The following ALG12 variants were observed in gnomAD, a reference collection of about 807,000 sequenced individuals.
ALG12 encodes the protein ALG12 alpha-1,6-mannosyltransferase, also known as dol-P-Man:Man(7)GlcNAc(2)-PP-Dol alpha-1,6-mannosyltransferase.
In ALG12, 36 loss-of-function variants were observed where a neutral mutation model predicts 46.0. The observed-to-expected ratio is 0.78, with a 90% CI of 0.60 to 1.03. The LOEUF (loss-of-function observed/expected upper bound fraction) is 1.03. ALG12 is among the 50% of genes least tolerant of loss of function. The probability of loss-of-function intolerance (pLI) is 0.00; values close to 1 mark genes in which losing one functional copy is unlikely to be tolerated. For synonymous variants in ALG12, 326 were observed against 291.6 expected, an observed-to-expected ratio of 1.12 and a Z score of -1.20; for missense variants, 599 against 633.5, an observed-to-expected ratio of 0.95 and a Z score of 0.58.
At chr22:49,904,098 G>A (rs781596489) in intron 9 of ALG12, 32 bp from the exon 10 acceptor site, 3 of 1,613,976 alleles carry the variant, frequency 1.9e-6, no homozygotes, top group Admixed American at 3.3e-5. Context: ...TCCTGCCCAG[G>A]GCCCCCACAT....
rs1401782831 is a variant in ALG12, at chr22:49,901,168, TAAAAG to T, written c.*2665_*2669del. The T allele has an allele frequency of 6.6e-6, 1 of 152,204 alleles. No individual in the cohort carries two copies. The highest frequency in any genetic ancestry group is 1.5e-5 in the Non-Finnish European group (1 of 68,050). 9.4% of individuals were successfully genotyped at this position (152,204 alleles called of 1,614,324 possible). On this transcript the variant is annotated 3_prime_UTR_variant, in exon 10 of 10. Coordinates refer to ENST00000330817, the MANE Select transcript of ALG12 (RefSeq NM_024105.4). Reference sequence around the variant, plus strand: ...GAGGCAATCCACATGTGGCCAGCGATAAAAGAGAACAAACGAGCGTGGATAACCAG... The same window carrying T: ...GAGGCAATCCACATGTGGCCAGCGATAGAACAAACGAGCGTGGATAACCAG...
the ALG12 span, among the ~76,000 whole-genome samples, chr22:49,883,183 C>T: frequency 3.9e-5 from 6 of 152,122 alleles, no homozygotes; most frequent in African/African-American, 7.2e-5. Flanking sequence ...ATCCTGTAAA[C>T]GGATTGCAGG....
rs531057261 is a variant in ALG12 at position 49,903,368 on chromosome 22, G to A, written c.*470C>T. 32 of 457,166 alleles carry A rather than the reference G, an allele frequency of 7.0e-5. No individual in the cohort carries two copies. The highest frequency in any genetic ancestry group is 4.1e-4 in the Middle Eastern group (1 of 2,454). The allele number at this position is 457,166 out of a possible 1,614,324, so 28.3% of individuals were successfully genotyped here. A position where few individuals can be genotyped will look rare whatever the true frequency, so the allele number is the denominator to read the frequency against. On this transcript the variant is annotated 3_prime_UTR_variant, in exon 10 of 10. Coordinates refer to ENST00000330817, the MANE Select transcript of ALG12 (RefSeq NM_024105.4). ...GGCACCAGGGTGGGGGGGTGCGGCCGGGGCCACCATGGTCTCCCCTGAGAG... is the reference window on the plus strand; with the variant it reads ...GGCACCAGGGTGGGGGGGTGCGGCCAGGGCCACCATGGTCTCCCCTGAGAG...
rs1175963390 is a variant in ALG12 at position 49,910,596 on chromosome 22, G to T, written c.307C>A (p.Leu103Ile). ...FYSQLIVRGVLGLGVIFGLWT... is the reference protein window; with the variant it reads ...FYSQLIVRGVIGLGVIFGLWT... ...AGTCCAAAAATCACGCCGAGTCCAA[G>T]CACTCCTCTAACTAAACAAAGACAG... The change falls in exon 4 of 10, where the codon CTT becomes ATT. Residue 103 changes from leucine to isoleucine, a missense_variant. Coordinates refer to ENST00000330817, the MANE Select transcript of ALG12 (RefSeq NM_024105.4). 2 of 1,614,118 alleles carry T rather than the reference G, an allele frequency of 1.2e-6. No individual in the cohort carries two copies. The highest frequency in any genetic ancestry group is 4.5e-5 in the East Asian group (2 of 44,890).
At chr22:49,882,667 C>A in the ALG12 span, among the ~76,000 whole-genome samples, 2 of 152,182 alleles carry the variant, frequency 1.3e-5, no homozygotes, top group Non-Finnish European at 2.9e-5. Flanking sequence ...TCACTTCCAG[C>A]GTTTACCATA....
the ALG12 span, chr22:49,887,115 G>A: frequency 6.2e-7 from 1 of 1,613,124 alleles, no homozygotes; most frequent in Non-Finnish European, 8.5e-7. Flanking sequence ...GGCTCATGAT[G>A]GAACATTTTG....
chr22:49,910,339 T>C (rs1185062283), intron 4 of ALG12, 95 bp downstream of exon 4: 14 of 1,494,764 alleles, frequency 9.4e-6, no homozygotes, highest in Middle Eastern at 2.0e-4. Context: ...GGAATGGCCA[T>C]TACGGGGGAG....
At chr22:49,877,028 GT>G in the ALG12 span, among the ~76,000 whole-genome samples, 5 of 152,088 alleles carry the variant, frequency 3.3e-5, no homozygotes, top group African/African-American at 1.2e-4. Context: ...CAGTTTTTAT[GT>G]TTTATTTTCA....
rs761464470 is a variant in ALG12 at position 49,906,458 on chromosome 22, C to G, written c.992+1263G>C. On this transcript the variant is annotated intron_variant, in intron 7 of 9. Transcript: ENST00000330817. The surrounding 1 kb of genome is among the most constrained non-coding windows in gnomAD (Gnocchi z 4.4). ...GGAGCCCCCAACCCAGGCACGGCCA[C>G]GGCAGCCGGAGGAACCCCCAGCGAG... Among the ~76,000 whole-genome samples the G allele has an allele frequency of 1.3e-5, 2 of 152,126 alleles. No homozygotes were observed.
At position 49,903,082 on chromosome 22, in the gene ALG12, C is replaced by T. The variant is rs2147578191; in HGVS notation, c.*756G>A. 5.7e-6 allele frequency: 2 copies of T among 351,302 alleles called. No individual in the cohort carries two copies. The highest frequency in any genetic ancestry group is 4.3e-5 in the South Asian group (2 of 46,918). 21.8% of individuals were successfully genotyped at this position (351,302 alleles called of 1,614,324 possible). A position where few individuals can be genotyped will look rare whatever the true frequency, so the allele number is the denominator to read the frequency against. On this transcript the variant is annotated 3_prime_UTR_variant, in exon 10 of 10. Transcript: ENST00000330817. Reference sequence around the variant, plus strand: ...CAGCAGCATCACACGCACTTTGGTGCTTTATAAATGCATGGTCAGTGAGGC... The same window carrying T: ...CAGCAGCATCACACGCACTTTGGTGTTTTATAAATGCATGGTCAGTGAGGC...
At chr22:49,891,506 A>G in the ALG12 span, among the ~76,000 whole-genome samples, 21 of 152,258 alleles carry the variant, frequency 1.4e-4, no homozygotes, top group Middle Eastern at 3.4e-3. Flanking sequence ...TTCATCTCCA[A>G]TGTTGTCTTG....
At chr22:49,915,712 G>C (rs1028741172) in intron 1 of ALG12, among the ~76,000 whole-genome samples, 14 of 152,180 alleles carry the variant, frequency 9.2e-5, no homozygotes, top group African/African-American at 3.1e-4. Context: ...GACGGTGGGG[G>C]GTTTTTGATG....
In ALG12 at chr22:49,910,467, G is replaced by A. The variant is rs567368110; in HGVS notation, c.436C>T (p.Arg146Trp). The change falls in exon 4 of 10, where the codon CGG becomes TGG. Residue 146 changes from arginine (R) to tryptophan (W), a missense_variant. Physicochemically the swap from Arg to Trp is moderately radical, Grantham distance 101. Coordinates refer to ENST00000330817, the MANE Select transcript of ALG12 (RefSeq NM_024105.4). ...AGGGCCAGCACATTGGGCAGTGTCC[G>A]CGTGCAGTAGAACATCAGGTGGAAC... ...MQFHLMFYCT[R>W]TLPNVLALPV... 46 of 1,613,676 alleles carry A rather than the reference G, an allele frequency of 2.9e-5. No individual in the cohort carries two copies. Among genetic ancestry groups the A allele is most frequent in the African/African-American group, 1.5e-4 (11 of 74,948 alleles).
chr22:49,881,907 C>A, the ALG12 span, among the ~76,000 whole-genome samples: 3 of 152,132 alleles, frequency 2.0e-5, no homozygotes, highest in African/African-American at 7.2e-5. Flanking sequence ...TCAGAAAGAA[C>A]CTGCATTTAT....
the ALG12 span, chr22:49,884,874 A>T: frequency 1.1e-5 from 17 of 1,606,438 alleles, no homozygotes; most frequent in Non-Finnish European, 1.4e-5. Context: ...TGAACCCTGG[A>T]GATGGGCTGA....
chr22:49,861,180 C>T, the ALG12 span, among the ~76,000 whole-genome samples: 1 of 152,150 alleles, frequency 6.6e-6, no homozygotes, highest in Non-Finnish European at 1.5e-5. Context: ...GGGCTGTTGA[C>T]ACTGTGTGTG....
the ALG12 span, among the ~76,000 whole-genome samples, chr22:49,861,963 C>T: frequency 2.0e-5 from 3 of 152,178 alleles, no homozygotes; most frequent in Non-Finnish European, 4.4e-5. Flanking sequence ...CACAGGCCTG[C>T]ACCCTGTCAG....
In ALG12 at chr22:49,902,490, A is replaced by G. The variant is rs1442550864; in HGVS notation, c.*1348T>C. 8.0e-6 allele frequency: 1 copy of G among 125,686 alleles called. No individual in the cohort carries two copies. The highest frequency in any genetic ancestry group is 8.5e-5 in the Admixed American group (1 of 11,728). The allele number at this position is 125,686 out of a possible 1,614,324, so 7.8% of individuals were successfully genotyped here. A position where few individuals can be genotyped will look rare whatever the true frequency, so the allele number is the denominator to read the frequency against. ...TGCACGTGTGCACTGTGTGGTGTGTATGCATGGTGTGTGCACATGTGCACT... is the reference window on the plus strand; with the variant it reads ...TGCACGTGTGCACTGTGTGGTGTGTGTGCATGGTGTGTGCACATGTGCACT... On this transcript the variant is annotated 3_prime_UTR_variant, in exon 10 of 10. Coordinates refer to ENST00000330817, the MANE Select transcript of ALG12 (RefSeq NM_024105.4).
chr22:49,888,342 T>C, the ALG12 span: 2 of 167,066 alleles, frequency 1.2e-5, no homozygotes, highest in African/African-American at 4.8e-5. Context: ...TTTGTTGAAA[T>C]ACTGTACGTA....
Sources: gnomAD v4.1 joint callset for allele counts (sites outside exome capture counted in the v4.1 genomes callset) on GRCh38, gnomAD v4.1.1 for gene constraint, Gnocchi (gnomAD v3.1) non-coding constraint, MANE v1.5 for transcripts, NCBI Gene and HGNC (gene_info 2026-07-23, HGNC 2026-07-21) for gene names.